Variants in SLC45A1 observed in about 807,000 individuals in gnomAD.
SLC45A1 encodes proton-associated sugar transporter A.
SLC45A1 carries 28 observed loss-of-function variants against 57.6 expected under a neutral mutation model. That is an observed-to-expected ratio of 0.49 (90% CI 0.36 to 0.67). The LOEUF is 0.67. Among genes scored for constraint, SLC45A1 ranks in the 30% least tolerant of loss-of-function variants. The probability of loss-of-function intolerance (pLI) is 0.00; values close to 1 mark genes in which losing one functional copy is unlikely to be tolerated. For missense variants in SLC45A1, 814 were observed against 1,041.5 expected (o/e 0.78, Z 3.01); for synonymous variants, 459 against 471.5 (o/e 0.97, Z 0.34).
Position 8,343,325 on chromosome 1 carries a change from G to A in SLC45A1, c.1981-422G>A, listed in dbSNP as rs1343374931. 6.6e-6 allele frequency among the ~76,000 whole-genome samples: 1 copy of A among 152,238 alleles called. No individual in the cohort carries two copies. Among genetic ancestry groups the A allele is most frequent in the African/African-American group, 2.4e-5 (1 of 41,468 alleles). ...CGAGGACCTTGGAGCCTCGGACAGA[G>A]GACCAGCGGCTGTCATGTGCAGAGG... On this transcript the variant is annotated intron_variant, in intron 8 of 8. Coordinates refer to ENST00000471889, the MANE Select transcript of SLC45A1 (RefSeq NM_001080397.3). The surrounding 1 kb of genome is among the most constrained non-coding windows in gnomAD (Gnocchi z 7.7).
At position 8,337,203 on chromosome 1, in the gene SLC45A1, GCA is replaced by G. The variant is rs1477138961; in HGVS notation, c.1598-612_1598-611del. 2.0e-5 allele frequency among the ~76,000 whole-genome samples: 3 copies of G among 152,196 alleles called. No homozygotes were observed. The East Asian group carries it at 5.8e-4, about 29-fold the overall frequency. On this transcript the variant is annotated intron_variant, in intron 6 of 8. Coordinates refer to ENST00000471889, the MANE Select transcript of SLC45A1 (RefSeq NM_001080397.3). ...ATCTTACATGGTGGCAGGCAAGAGGGCATGTGCAGGGGAACTCCCATTTATAA... is the reference window on the plus strand; with the variant it reads ...ATCTTACATGGTGGCAGGCAAGAGGGTGTGCAGGGGAACTCCCATTTATAA...
Position 8,319,919 on chromosome 1 carries a change from T to G in SLC45A1, c.-25+1733T>G, listed in dbSNP as rs60320436. Among the ~76,000 whole-genome samples, 950 of 152,244 alleles carry G rather than the reference T, an allele frequency of 6.2e-3. 6 individuals are homozygous for G. Among genetic ancestry groups the G allele is most frequent in the African/African-American group, 0.022 (900 of 41,526 alleles). On this transcript the variant is annotated intron_variant, in intron 1 of 8. Coordinates refer to ENST00000471889, the MANE Select transcript of SLC45A1 (RefSeq NM_001080397.3). ...TTTTAGTAGAGACGGGGTTTCTCCA[T>G]GTTGGCCAGGCTGGTCTCGAACTCC...
Position 8,330,137 on chromosome 1 carries a change from T to C in SLC45A1, c.716-72T>C. 1 of 1,552,072 alleles carries C rather than the reference T, an allele frequency of 6.4e-7. No homozygotes were observed. The highest frequency in any genetic ancestry group is 8.7e-7 in the Non-Finnish European group (1 of 1,146,318). On this transcript the variant is annotated intron_variant, in intron 4 of 8. Transcript: ENST00000471889. The surrounding 1 kb of genome is among the most constrained non-coding windows in gnomAD (Gnocchi z 8.4). ...GGCCTTGGCTACCTTCATGTCCTTC[T>C]AAGAACGGGGCCACCGCGTTTGGGG...
At chr1:8,329,816 G>C (rs189283912) in intron 4 of SLC45A1, among the ~76,000 whole-genome samples, 1 of 152,216 alleles carries the variant, frequency 6.6e-6, no homozygotes, top group Non-Finnish European at 1.5e-5. Flanking sequence ...GTGGTCGGCT[G>C]TGTGTGAGCC....
At chr1:8,333,031 C>G (rs532200412) in intron 5 of SLC45A1, among the ~76,000 whole-genome samples, 2 of 152,094 alleles carry the variant, frequency 1.3e-5, no homozygotes, top group East Asian at 1.9e-4. Flanking sequence ...ACACTTCACT[C>G]GGCCGCAGAC....
At chr1:8,331,103 C>A (rs183077999) in intron 5 of SLC45A1, among the ~76,000 whole-genome samples, 167 bp downstream of exon 5, 2 of 152,198 alleles carry the variant, frequency 1.3e-5, no homozygotes, top group African/African-American at 4.8e-5. Flanking sequence ...AGGCCAGGTG[C>A]GGTGGCTCAA....
At chr1:8,339,825 G>A in intron 8 of SLC45A1, 127 bp downstream of exon 8, 2 of 904,824 alleles carry the variant, frequency 2.2e-6, no homozygotes, top group Non-Finnish European at 3.5e-6. Flanking sequence ...CGACCACAGA[G>A]CATGAAACCA....
intron 6 of SLC45A1, among the ~76,000 whole-genome samples, chr1:8,337,237 C>G (rs965893351): frequency 6.6e-6 from 1 of 152,176 alleles, no homozygotes; most frequent in African/African-American, 2.4e-5. Context: ...ATAAAACCAT[C>G]AGATCTCATG....
At position 8,325,488 on chromosome 1, in the gene SLC45A1, T is replaced by A; in HGVS notation, c.490+98T>A. ...TTTTAAAAAATGTTGACCAAAGCAG[T>A]TACCCAGATAGCTCTGGGCCCGCAC... On this transcript the variant is annotated intron_variant, in intron 3 of 8. Transcript: ENST00000471889. The surrounding 1 kb of genome is among the most constrained non-coding windows in gnomAD (Gnocchi z 6.3). 1 of 881,192 alleles carries A rather than the reference T, an allele frequency of 1.1e-6. No individual in the cohort carries two copies. The highest frequency in any genetic ancestry group is 1.8e-6 in the Non-Finnish European group (1 of 554,924). 54.6% of individuals were successfully genotyped at this position (881,192 alleles called of 1,614,324 possible).
rs527280626 is a variant in SLC45A1 at position 8,318,135 on chromosome 1, G to C, written c.-76G>C. ...TGCTGCAGCAGCCGGGACCGCGGCC[G>C]GGCAGGCAGCAGCCCAGCGGGGACA... On this transcript the variant is annotated 5_prime_UTR_variant, in exon 1 of 9. Coordinates refer to ENST00000471889, the MANE Select transcript of SLC45A1 (RefSeq NM_001080397.3). The C allele has an allele frequency of 2.6e-5, 12 of 464,992 alleles. No individual in the cohort carries two copies. Among genetic ancestry groups the C allele is most frequent in the African/African-American group, 2.2e-4 (11 of 49,122 alleles). 28.8% of individuals were successfully genotyped at this position (464,992 alleles called of 1,614,324 possible).
chr1:8,319,815 C>T (rs1359706870), intron 1 of SLC45A1, among the ~76,000 whole-genome samples: 1 of 152,122 alleles, frequency 6.6e-6, no homozygotes, highest in Non-Finnish European at 1.5e-5. Context: ...CTCCTGGGTT[C>T]AAGCGATTCT....
At chr1:8,337,744 G>C in intron 6 of SLC45A1, 72 bp from the exon 7 acceptor site, 2 of 1,387,098 alleles carry the variant, frequency 1.4e-6, no homozygotes, top group Non-Finnish European at 2.0e-6. Context: ...ACCAGTAGAC[G>C]CATGTTGGTT....
intron 6 of SLC45A1, among the ~76,000 whole-genome samples, chr1:8,336,464 C>T (rs1327210788): frequency 6.6e-6 from 1 of 151,152 alleles, no homozygotes; most frequent in Non-Finnish European, 1.5e-5. Flanking sequence ...CATTGTGGGA[C>T]ATAAATCAAC....
Position 8,337,986 on chromosome 1 carries a change from T to C in SLC45A1, c.1768T>C (p.Tyr590His). Residue 590 changes from tyrosine (Y) to histidine (H), a missense_variant, in exon 7 of 9, where the codon TAC (tyrosine) becomes CAC (histidine). Transcript: ENST00000471889. The stretch of plus-strand genomic sequence containing the variant: ...TATCTACGCCTTCAGTGCTGCCTTC[T>C]ACTCAGGTACCCGCTGCCAGCCAGG... Reference protein sequence around the residue: ...MCIYAFSAAFYSAILEKLEEF... With the variant: ...MCIYAFSAAFHSAILEKLEEF... The C allele has an allele frequency of 6.2e-7, 1 of 1,613,386 alleles. No individual in the cohort carries two copies. Among genetic ancestry groups the C allele is most frequent in the Non-Finnish European group, 8.5e-7 (1 of 1,179,756 alleles).
intron 1 of SLC45A1, among the ~76,000 whole-genome samples, chr1:8,319,430 T>G (rs78967492): frequency 0.014 from 2,072 of 152,304 alleles, 54 homozygotes; most frequent in African/African-American, 0.046. Flanking sequence ...TACATTGACA[T>G]TGATTACTTT....
intron 6 of SLC45A1, among the ~76,000 whole-genome samples, chr1:8,336,475 A>G (rs1640616265): frequency 6.6e-6 from 1 of 152,098 alleles, no homozygotes; most frequent in Admixed American, 6.6e-5. Flanking sequence ...ATAAATCAAC[A>G]TGACCTTCTA....
chr1:8,332,949 G>A (rs1640461590), intron 5 of SLC45A1, among the ~76,000 whole-genome samples: 1 of 152,218 alleles, frequency 6.6e-6, no homozygotes, highest in Non-Finnish European at 1.5e-5. Flanking sequence ...CTACAAAGCC[G>A]AGTCTCGTTT....
At position 8,335,841 on chromosome 1, in the gene SLC45A1, C is replaced by T. The variant is rs569253185; in HGVS notation, c.1597+251C>T. Among the ~76,000 whole-genome samples, 6 of 152,276 alleles carry T rather than the reference C, an allele frequency of 3.9e-5. No homozygotes were observed. The East Asian group carries it at 9.7e-4, about 25-fold the overall frequency. On this transcript the variant is annotated intron_variant, in intron 6 of 8. Coordinates refer to ENST00000471889, the MANE Select transcript of SLC45A1 (RefSeq NM_001080397.3). The surrounding 1 kb of genome is among the most constrained non-coding windows in gnomAD (Gnocchi z 4.1). ...GAGAGCCACATAGCTCACTCTGGGC[C>T]CGACACCTGGGTCCCCACAGAGCCA... is the stretch of plus-strand genomic sequence containing the variant.
Position 8,322,714 on chromosome 1 carries a change from G to A in SLC45A1, c.-24-1592G>A, listed in dbSNP as rs147924541. Among the ~76,000 whole-genome samples, 369 of 152,304 alleles carry A rather than the reference G, an allele frequency of 2.4e-3. 3 individuals are homozygous for A. Among genetic ancestry groups the A allele is most frequent in the African/African-American group, 8.3e-3 (346 of 41,558 alleles). On this transcript the variant is annotated intron_variant, in intron 1 of 8. Coordinates refer to ENST00000471889, the MANE Select transcript of SLC45A1 (RefSeq NM_001080397.3). ...TAAAACTAATTTTGAGAGAAAGCCCGTGATATTTATCTTGGTCAATGACAA... is the reference window on the plus strand; with the variant it reads ...TAAAACTAATTTTGAGAGAAAGCCCATGATATTTATCTTGGTCAATGACAA...
Sources: allele counts gnomAD v4.1 joint callset (sites outside exome capture counted in the v4.1 genomes callset), GRCh38; gene constraint gnomAD v4.1.1; non-coding constraint Gnocchi (gnomAD v3.1); transcripts MANE v1.5; gene names NCBI Gene and HGNC (gene_info 2026-07-23, HGNC 2026-07-21).